NIPBL: variants seen among roughly 807,000 people sequenced by gnomAD.
NIPBL encodes nipped-B-like protein.
NIPBL carries 19 observed loss-of-function variants against 321.8 expected under a neutral mutation model. That is an observed-to-expected ratio of 0.06 (90% CI 0.04 to 0.09). The LOEUF (loss-of-function observed/expected upper bound fraction) is 0.09. Among genes scored for constraint, NIPBL ranks in the 10% least tolerant of loss-of-function variants. The pLI is 1.00. For synonymous variants in NIPBL, 1,106 were observed against 1,114.1 expected (o/e 0.99, Z 0.14); for missense variants, 2,210 against 3,327.0 (o/e 0.66, Z 8.26).
intron 32 of NIPBL, among the ~76,000 whole-genome samples, chr5:37,034,807 G>A (rs1002490588): frequency 1.3e-5 from 2 of 152,146 alleles, no homozygotes; most frequent in African/African-American, 2.4e-5. Flanking sequence ...AAAATTATTC[G>A]TGTTCTTGAT....
intron 1 of NIPBL, among the ~76,000 whole-genome samples, chr5:36,911,174 G>A (rs1748020149): frequency 6.6e-6 from 1 of 152,188 alleles, no homozygotes; most frequent in Non-Finnish European, 1.5e-5. Context: ...GTAGTAGGGA[G>A]GTCATAGCAT....
chr5:36,950,765 A>C (rs973054824), intron 1 of NIPBL, among the ~76,000 whole-genome samples: 2 of 152,116 alleles, frequency 1.3e-5, no homozygotes, highest in Non-Finnish European at 2.9e-5. Context: ...CAAGCAGTCC[A>C]AAACATTATT....
intron 6 of NIPBL, among the ~76,000 whole-genome samples, chr5:36,964,940 T>C (rs1742038469): frequency 6.6e-6 from 1 of 152,156 alleles, no homozygotes. Flanking sequence ...CGAACATCAC[T>C]CATCATCAGA....
chr5:36,974,429 A>G (rs569861570), intron 8 of NIPBL, among the ~76,000 whole-genome samples: 31 of 152,320 alleles, frequency 2.0e-4, no homozygotes, highest in African/African-American at 6.5e-4. Flanking sequence ...ATACAAAGGC[A>G]TAATGGTATA....
chr5:36,889,153 A>G (rs1485385563), intron 1 of NIPBL, among the ~76,000 whole-genome samples: 1 of 152,166 alleles, frequency 6.6e-6, no homozygotes, highest in African/African-American at 2.4e-5. Flanking sequence ...AATACTGAGC[A>G]AGTTTTATAG....
intron 1 of NIPBL, among the ~76,000 whole-genome samples, chr5:36,926,310 A>G (rs1270478496): frequency 6.6e-6 from 1 of 152,176 alleles, no homozygotes; most frequent in African/African-American, 2.4e-5. Context: ...TGGGTCAGGA[A>G]TTTAGGCAGG....
intron 22 of NIPBL, among the ~76,000 whole-genome samples, chr5:37,015,370 T>C (rs1204193045): frequency 6.6e-6 from 1 of 152,136 alleles, no homozygotes; most frequent in Non-Finnish European, 1.5e-5. Flanking sequence ...GTGATCTGCC[T>C]GCCCTGACCT....
intron 6 of NIPBL, among the ~76,000 whole-genome samples, chr5:36,968,135 A>G (rs1005021863): frequency 1.1e-4 from 17 of 151,314 alleles, no homozygotes; most frequent in Admixed American, 6.6e-5. Context: ...ACGAATAAGC[A>G]GTGTTATCAA....
Position 37,065,771 on chromosome 5 carries a change from A to G in NIPBL, c.*879A>G, listed in dbSNP as rs1755303533. On this transcript the variant is annotated 3_prime_UTR_variant, in exon 47 of 47. Transcript: ENST00000282516. ...ACTATATATGATTTAGCACTGTGCCAAACACATTTTCAAGAGTACATTTTG... is the reference window on the plus strand; with the variant it reads ...ACTATATATGATTTAGCACTGTGCCGAACACATTTTCAAGAGTACATTTTG... 6.6e-6 allele frequency: 1 copy of G among 152,620 alleles called. No homozygotes were observed. The highest frequency in any genetic ancestry group is 2.4e-5 in the African/African-American group (1 of 41,444). The allele number at this position is 152,620 out of a possible 1,614,324, so 9.5% of individuals were successfully genotyped here. A position where few individuals can be genotyped will look rare whatever the true frequency, so the allele number is the denominator to read the frequency against.
chr5:36,979,293 G>T (rs1276636532), intron 9 of NIPBL, among the ~76,000 whole-genome samples: 1 of 151,842 alleles, frequency 6.6e-6, no homozygotes, highest in Non-Finnish European at 1.5e-5. Flanking sequence ...TCCTTGTAAA[G>T]CTCTTGCAAC....
At chr5:36,980,024 C>CTT (rs1395960712) in intron 9 of NIPBL, among the ~76,000 whole-genome samples, 2 of 151,316 alleles carry the variant, frequency 1.3e-5, no homozygotes, top group Middle Eastern at 3.4e-3. Context: ...GAATGGTGAC[C>CTT]TTTTTTTTAT....
At chr5:37,038,580 A>G (rs1417759082) in intron 33 of NIPBL, 22 bp from the exon 34 acceptor site, 4 of 1,610,430 alleles carry the variant, frequency 2.5e-6, no homozygotes, top group Middle Eastern at 1.8e-4. Context: ...TTAGTGTCTT[A>G]TTTCTCTGTT....
chr5:36,971,074 C>T, intron 7 of NIPBL, 38 bp downstream of exon 7: 1 of 1,546,772 alleles, frequency 6.5e-7, no homozygotes, highest in Non-Finnish European at 8.9e-7. Context: ...TAAAATAGTT[C>T]TAATATTTGT....
At chr5:37,029,940 A>C (rs766983111) in intron 32 of NIPBL, among the ~76,000 whole-genome samples, 14 of 152,164 alleles carry the variant, frequency 9.2e-5, no homozygotes, top group Non-Finnish European at 2.1e-4. Flanking sequence ...CCTTATGACC[A>C]CCTTAGTTAA....
At chr5:37,013,081 C>T (rs1387708238) in intron 21 of NIPBL, among the ~76,000 whole-genome samples, 3 of 148,678 alleles carry the variant, frequency 2.0e-5, no homozygotes, top group Admixed American at 6.6e-5. Flanking sequence ...GGCAGCTGGC[C>T]GGGCAGAGGG....
At chr5:36,983,070 G>A (rs1182616420) in intron 9 of NIPBL, among the ~76,000 whole-genome samples, 2 of 151,864 alleles carry the variant, frequency 1.3e-5, no homozygotes, top group African/African-American at 2.4e-5. Flanking sequence ...TTTTTGAATG[G>A]CAGAACATTC....
intron 1 of NIPBL, among the ~76,000 whole-genome samples, chr5:36,901,572 C>T (rs1012023002): frequency 3.6e-5 from 5 of 138,552 alleles, no homozygotes; most frequent in Non-Finnish European, 6.0e-5. Context: ...TGCAATGGCA[C>T]GATCTTGGCT....
At chr5:36,901,329 C>T (rs566040925) in intron 1 of NIPBL, among the ~76,000 whole-genome samples, 1 of 152,020 alleles carries the variant, frequency 6.6e-6, no homozygotes, top group African/African-American at 2.4e-5. Flanking sequence ...ACCATATTTT[C>T]TTTATCCAGT....
intron 1 of NIPBL, among the ~76,000 whole-genome samples, chr5:36,930,122 G>A (rs1749671638): frequency 6.6e-6 from 1 of 151,906 alleles, no homozygotes; most frequent in African/African-American, 2.4e-5. Flanking sequence ...AAACAGCTGG[G>A]ATTTTGAAAA....
Sources: gnomAD v4.1 joint callset for allele counts (sites outside exome capture counted in the v4.1 genomes callset) on GRCh38, gnomAD v4.1.1 for gene constraint, MANE v1.5 for transcripts, NCBI Gene and HGNC (gene_info 2026-07-23, HGNC 2026-07-21) for gene names.